MARCHF3: variants seen among roughly 807,000 people sequenced by gnomAD.
MARCHF3 encodes membrane associated ring-CH-type finger 3, also known as E3 ubiquitin-protein ligase MARCHF3.
In MARCHF3, 13 loss-of-function variants were observed where a neutral mutation model predicts 24.2. The observed-to-expected ratio is 0.54, with a 90% CI of 0.35 to 0.85. The LOEUF (loss-of-function observed/expected upper bound fraction) is 0.85. Among genes scored for constraint, MARCHF3 ranks in the 40% least tolerant of loss-of-function variants. The pLI is 0.01. For synonymous variants in MARCHF3, 144 were observed against 137.3 expected, an observed-to-expected ratio of 1.05 and a Z score of -0.34; for missense variants, 276 against 325.0, an observed-to-expected ratio of 0.85 and a Z score of 1.16.
At chr5:126,950,062 T>G (rs760397950) in intron 1 of MARCHF3, among the ~76,000 whole-genome samples, 1 of 152,178 alleles carries the variant, frequency 6.6e-6, no homozygotes, top group Non-Finnish European at 1.5e-5. Flanking sequence ...ACCTCCAATA[T>G]TGATCCTACC....
intron 3 of MARCHF3, among the ~76,000 whole-genome samples, chr5:126,895,650 G>C (rs1444405806): frequency 6.6e-6 from 1 of 152,144 alleles, no homozygotes; most frequent in African/African-American, 2.4e-5. Context: ...GGACCCACTT[G>C]AGGAGGCAGT....
At chr5:127,004,971 A>G (rs1752258694) in intron 1 of MARCHF3, among the ~76,000 whole-genome samples, 1 of 152,018 alleles carries the variant, frequency 6.6e-6, no homozygotes, top group Non-Finnish European at 1.5e-5. Context: ...AAAAAAAAAA[A>G]AAGTTTTTCC....
intron 1 of MARCHF3, among the ~76,000 whole-genome samples, chr5:127,010,877 G>A (rs1240403223): frequency 6.6e-6 from 1 of 152,048 alleles, no homozygotes; most frequent in Non-Finnish European, 1.5e-5. Context: ...AGACAACAAG[G>A]AGAATGGCGG....
intron 1 of MARCHF3, among the ~76,000 whole-genome samples, chr5:126,948,836 C>T (rs564359687): frequency 3.9e-5 from 6 of 152,264 alleles, no homozygotes; most frequent in South Asian, 2.1e-4. Context: ...ACTTCAATAT[C>T]CACATCTGGC....
At chr5:126,993,849 T>A (rs1034049028) in intron 1 of MARCHF3, among the ~76,000 whole-genome samples, 1 of 152,220 alleles carries the variant, frequency 6.6e-6, no homozygotes, top group Non-Finnish European at 1.5e-5. Flanking sequence ...AGTAATCCTA[T>A]TGAAATAATA....
chr5:126,877,410 AGT>A (rs1463615079), intron 4 of MARCHF3, among the ~76,000 whole-genome samples: 1 of 152,240 alleles, frequency 6.6e-6, no homozygotes, highest in African/African-American at 2.4e-5. Flanking sequence ...TCTAGAAGAC[AGT>A]GATGTCCTTC....
chr5:126,885,862 G>A (rs1474801912), intron 3 of MARCHF3, among the ~76,000 whole-genome samples: 10 of 151,812 alleles, frequency 6.6e-5, no homozygotes, highest in Non-Finnish European at 1.5e-4. Context: ...CTGTAGTTTC[G>A]ATTCAAACTT....
chr5:126,912,971 TCA>T (rs756192152), intron 3 of MARCHF3, among the ~76,000 whole-genome samples: 4 of 152,228 alleles, frequency 2.6e-5, no homozygotes, highest in Non-Finnish European at 5.9e-5. Flanking sequence ...GTAGAGCACC[TCA>T]CACATTCTCA....
intron 3 of MARCHF3, among the ~76,000 whole-genome samples, chr5:126,897,497 G>C (rs1054916999): frequency 6.6e-6 from 1 of 152,022 alleles, no homozygotes; most frequent in Non-Finnish European, 1.5e-5. Context: ...GATAACATAG[G>C]ACAACAGAAT....
chr5:126,870,491 G>A lies in MARCHF3; in HGVS notation c.*142C>T. 1.5e-6 allele frequency: 1 copy of A among 646,148 alleles called. No homozygotes were observed. The highest frequency in any genetic ancestry group is 2.7e-6 in the Non-Finnish European group (1 of 373,276). 40.0% of individuals were successfully genotyped at this position (646,148 alleles called of 1,614,324 possible). The stretch of plus-strand genomic sequence containing the variant: ...TTTCTTCTGGCGGAGGTTGTTGCTT[G>A]GAGTGATGTGCTAATATGCTCTGGA... On this transcript the variant is annotated 3_prime_UTR_variant, in exon 5 of 5. Coordinates refer to ENST00000308660, the MANE Select transcript of MARCHF3 (RefSeq NM_178450.5).
At chr5:126,942,640 A>G (rs933966034) in intron 1 of MARCHF3, among the ~76,000 whole-genome samples, 1 of 152,238 alleles carries the variant, frequency 6.6e-6, no homozygotes, top group African/African-American at 2.4e-5. Flanking sequence ...TGACATCTCT[A>G]TAAGTTTTAC....
chr5:126,954,706 A>C (rs1750381578), intron 1 of MARCHF3, among the ~76,000 whole-genome samples: 1 of 151,236 alleles, frequency 6.6e-6, no homozygotes, highest in South Asian at 2.1e-4. Flanking sequence ...AAGTTTAATA[A>C]ATAGAGCGCA....
chr5:126,875,645 G>A (rs893678428), intron 4 of MARCHF3, among the ~76,000 whole-genome samples: 2 of 152,320 alleles, frequency 1.3e-5, no homozygotes, highest in Non-Finnish European at 2.9e-5. Context: ...CTATTGCTGA[G>A]CTGACTCCAC....
At position 126,870,381 on chromosome 5, in the gene MARCHF3, A is replaced by G; in HGVS notation, c.*252T>C. ...AAGAGGTGTTCAGAAAATTCCATACAGTATCTGCTAAATAAACATGTTTGG... is the reference window on the plus strand; with the variant it reads ...AAGAGGTGTTCAGAAAATTCCATACGGTATCTGCTAAATAAACATGTTTGG... On this transcript the variant is annotated 3_prime_UTR_variant, in exon 5 of 5. Coordinates refer to ENST00000308660, the MANE Select transcript of MARCHF3 (RefSeq NM_178450.5). The G allele has an allele frequency of 2.7e-6, 1 of 367,040 alleles. No homozygotes were observed. The highest frequency in any genetic ancestry group is 5.0e-6 in the Non-Finnish European group (1 of 199,914). The allele number at this position is 367,040 out of a possible 1,614,324, so 22.7% of individuals were successfully genotyped here.
At chr5:126,873,405 A>C (rs2126764543) in intron 4 of MARCHF3, among the ~76,000 whole-genome samples, 1 of 152,228 alleles carries the variant, frequency 6.6e-6, no homozygotes, top group South Asian at 2.1e-4. Context: ...GGGTAACAGA[A>C]AAAGAAAAAA....
At chr5:126,955,431 T>C (rs768711517) in intron 1 of MARCHF3, among the ~76,000 whole-genome samples, 3 of 152,206 alleles carry the variant, frequency 2.0e-5, no homozygotes, top group South Asian at 2.1e-4. Flanking sequence ...TCCAAAGTGG[T>C]GTACCACACT....
intron 4 of MARCHF3, 42 bp from the exon 5 acceptor site, chr5:126,870,833 C>G (rs773135121): frequency 3.7e-6 from 6 of 1,609,520 alleles, no homozygotes; most frequent in Non-Finnish European, 5.1e-6. Flanking sequence ...GAATTCAGGT[C>G]AGCAGAAGTG....
chr5:126,907,916 C>T (rs1250247103), intron 3 of MARCHF3, among the ~76,000 whole-genome samples: 11 of 152,016 alleles, frequency 7.2e-5, no homozygotes, highest in South Asian at 4.2e-4. Flanking sequence ...TTCCTAGTCT[C>T]GATGGTCTTT....
intron 4 of MARCHF3, among the ~76,000 whole-genome samples, chr5:126,877,916 G>A (rs1173260072): frequency 3.9e-5 from 6 of 152,128 alleles, no homozygotes; most frequent in Admixed American, 6.5e-5. Context: ...GGAGAGAAAC[G>A]TCCATGGTGT....
Sources: allele counts gnomAD v4.1 joint callset (sites outside exome capture counted in the v4.1 genomes callset), GRCh38; gene constraint gnomAD v4.1.1; transcripts MANE v1.5; gene names NCBI Gene and HGNC (gene_info 2026-07-23, HGNC 2026-07-21).